The following ADAM2 variants were observed in gnomAD, a reference collection of about 807,000 sequenced individuals.
The protein encoded by ADAM2 is disintegrin and metalloproteinase domain-containing protein 2.
A neutral mutation model predicts 99.3 loss-of-function variants in ADAM2; 101 were observed. The ratio of observed to expected loss-of-function variants is 1.02; its 90% CI spans 0.87 to 1.20. The LOEUF (loss-of-function observed/expected upper bound fraction) is 1.20, where lower values mean the gene tolerates loss of function less well. Among genes scored for constraint, ADAM2 ranks in the 50% most tolerant of loss-of-function variants. The pLI, the probability that ADAM2 is intolerant of heterozygous loss-of-function variation, is 0.00. For synonymous variants in ADAM2, 323 were observed against 287.6 expected (o/e 1.12, Z -1.25); for missense variants, 948 against 878.7 (o/e 1.08, Z -1.00).
At chr8:39,760,882 C>CAAAAAAAAAA (rs58386097) in intron 15 of ADAM2, among the ~76,000 whole-genome samples, 56 of 60,174 alleles carry the variant, frequency 9.3e-4, no homozygotes, top group African/African-American at 3.4e-3. Context: ...GACTCCATCT[C>CAAAAAAAAAA]AAAAAAAAAA....
Position 39,837,136 on chromosome 8 carries a change from C to T in ADAM2, c.132G>A (p.Gln44=), listed in dbSNP as rs752114758. The T allele has an allele frequency of 6.3e-7, 1 of 1,589,350 alleles. No individual in the cohort carries two copies. Among genetic ancestry groups the T allele is most frequent in the Non-Finnish European group, 8.6e-7 (1 of 1,162,726 alleles). ...RSIIKEGIES[Q]ASYKIVIEGK... is the part of the protein sequence containing the mutation. ...GTAAATACTGTTAGTGATTCATTAC[C>T]TGCGATTCAATTCCTTCCTTTATTA... The change falls in exon 2 of 21, where the codon CAG becomes CAA. Residue 44 remains glutamine (Q), a splice_region_variant and synonymous_variant. Transcript: ENST00000265708.
chr8:39,837,058 A>T (rs1230395833), intron 2 of ADAM2, 78 bp downstream of exon 2: 1 of 1,186,232 alleles, frequency 8.4e-7, no homozygotes, highest in Non-Finnish European at 1.2e-6. Context: ...TGCATGAATG[A>T]AAAATGGCAG....
At chr8:39,779,588 C>T (rs1803137398) in intron 10 of ADAM2, among the ~76,000 whole-genome samples, 1 of 152,058 alleles carries the variant, frequency 6.6e-6, no homozygotes, top group Non-Finnish European at 1.5e-5. Context: ...GACAATAAAG[C>T]ACAACTATAT....
intron 3 of ADAM2, among the ~76,000 whole-genome samples, chr8:39,827,815 A>C (rs901134272): frequency 2.6e-5 from 4 of 152,106 alleles, no homozygotes; most frequent in Non-Finnish European, 4.4e-5. Flanking sequence ...CAACAAGTTG[A>C]CTGTAGTTAG....
At chr8:39,788,459 C>T (rs1270657064) in intron 8 of ADAM2, among the ~76,000 whole-genome samples, 12 of 151,542 alleles carry the variant, frequency 7.9e-5, no homozygotes, top group Admixed American at 7.9e-4. Context: ...TAAGGAAGCC[C>T]CATACCCCAT....
At chr8:39,774,053 T>C (rs1395848803) in intron 11 of ADAM2, among the ~76,000 whole-genome samples, 1 of 151,920 alleles carries the variant, frequency 6.6e-6, no homozygotes, top group African/African-American at 2.4e-5. Flanking sequence ...TAAACATGAA[T>C]AAAATGTATT....
At position 39,755,906 on chromosome 8, in the gene ADAM2, A is replaced by C. The variant is rs759207976; in HGVS notation, c.1619T>G (p.Leu540Arg). The C allele has an allele frequency of 6.8e-7, 1 of 1,476,858 alleles. No individual in the cohort carries two copies. The highest frequency in any genetic ancestry group is 9.3e-7 in the Non-Finnish European group (1 of 1,070,446). The allele number at this position is 1,476,858 out of a possible 1,614,324, so 91.5% of individuals were successfully genotyped here. A position where few individuals can be genotyped will look rare whatever the true frequency, so the allele number is the denominator to read the frequency against. The change falls in exon 16 of 21, where the codon CTG becomes CGG. Residue 540 changes from leucine (L) to arginine (R), a missense_variant. Transcript: ENST00000265708. Reference protein sequence around the residue: ...SGYTQCEADNLQCGKLICKYV... With the variant: ...SGYTQCEADNRQCGKLICKYV... ...TTTACATATTAATTTTCCGCACTGC[A>C]GATTGCTATAATTTATCCACAAATA...
chr8:39,749,927 A>G (rs957605199), intron 16 of ADAM2, among the ~76,000 whole-genome samples, 183 bp from the exon 17 acceptor site: 2 of 152,104 alleles, frequency 1.3e-5, no homozygotes, highest in Admixed American at 1.3e-4. Context: ...CCAGCACTAG[A>G]TGAGACTCTG....
chr8:39,796,000 G>C (rs1191229401), intron 7 of ADAM2, among the ~76,000 whole-genome samples: 5 of 151,904 alleles, frequency 3.3e-5, no homozygotes, highest in African/African-American at 1.2e-4. Context: ...GGAAGCTGTA[G>C]AGAGAAAAAG....
Position 39,746,547 on chromosome 8 carries a change from C to A in ADAM2, c.2099G>T (p.Cys700Phe). Reference protein sequence around the residue: ...FLFIPFFIIFCVLIAIMVKVN... With the variant: ...FLFIPFFIIFFVLIAIMVKVN... ...TTTCACCATTATAGCAATCAGTACACAGAAAATAATAAAGAAAGGAATGAA... is the reference window on the plus strand; with the variant it reads ...TTTCACCATTATAGCAATCAGTACAAAGAAAATAATAAAGAAAGGAATGAA... The change falls in exon 19 of 21, where the codon TGT (cysteine) becomes TTT (phenylalanine). Residue 700 changes from cysteine (C) to phenylalanine (F), a missense_variant. Transcript: ENST00000265708. 1 of 1,605,082 alleles carries A rather than the reference C, an allele frequency of 6.2e-7. No homozygotes were observed. The highest frequency in any genetic ancestry group is 1.1e-5 in the South Asian group (1 of 89,502).
At chr8:39,837,381 G>GTT (rs112475501) in intron 1 of ADAM2, among the ~76,000 whole-genome samples, 169 bp from the exon 2 acceptor site, 57 of 142,482 alleles carry the variant, frequency 4.0e-4, no homozygotes, top group African/African-American at 1.2e-3. Flanking sequence ...CTGTTTTTCT[G>GTT]TTTTTTTTTT....
Position 39,745,708 on chromosome 8 carries a change from C to T in ADAM2, c.2174+764G>A, listed in dbSNP as rs1024968692. Among the ~76,000 whole-genome samples, 4 of 151,514 alleles carry T rather than the reference C, an allele frequency of 2.6e-5. 1 individual carries two copies. The highest frequency in any genetic ancestry group is 5.9e-5 in the Non-Finnish European group (4 of 67,902). ...TGCTGTGCTTCAATTTACATTACTA[C>T]CAAAAAAAAGCTAAATTACTTTCCT... On this transcript the variant is annotated intron_variant, in intron 19 of 20. Transcript: ENST00000265708.
chr8:39,838,135 G>A lies in ADAM2; in HGVS notation c.51C>T (p.Asp17=), dbSNP rs757586093. 1.2e-6 allele frequency: 2 copies of A among 1,614,128 alleles called. No individual in the cohort carries two copies. The highest frequency in any genetic ancestry group is 1.1e-5 in the South Asian group (1 of 91,082). ...AGGAGGGGTTTTTCTGCTTACTACT[G>A]TCCATCCGCAGCCCGCCGAGCCCGC... is the stretch of plus-strand genomic sequence containing the variant. ...LLSGLGGLRM[D]SNFDSLPVQI... Residue 17 remains aspartate, a synonymous_variant, in exon 1 of 21, where the codon GAC becomes GAT. Transcript: ENST00000265708.
Position 39,788,098 on chromosome 8 carries a change from C to T in ADAM2, c.796G>A (p.Ala266Thr), listed in dbSNP as rs776087556. The T allele has an allele frequency of 1.2e-5, 19 of 1,525,288 alleles. No homozygotes were observed. The highest frequency in any genetic ancestry group is 1.1e-4 in the Admixed American group (5 of 46,730). The allele number at this position is 1,525,288 out of a possible 1,614,324, so 94.5% of individuals were successfully genotyped here. Reference protein sequence around the residue: ...SYLVLRPHDVAFLLVYREKSN... With the variant: ...SYLVLRPHDVTFLLVYREKSN... ...AGATATCCTTACACAAGTAAAAATG[C>T]CACATCATGAGGACGTAAAACAAGA... The change falls in exon 9 of 21, where the codon GCA becomes ACA. Residue 266 changes from alanine to threonine, a missense_variant. Transcript: ENST00000265708.
In ADAM2 at chr8:39,743,880, T is replaced by G. The variant is rs936408057; in HGVS notation, c.*215A>C. The G allele has an allele frequency of 6.6e-6, 1 of 152,154 alleles. No homozygotes were observed. The highest frequency in any genetic ancestry group is 1.5e-5 in the Non-Finnish European group (1 of 67,996). 9.4% of individuals were successfully genotyped at this position (152,154 alleles called of 1,614,324 possible). On this transcript the variant is annotated 3_prime_UTR_variant, in exon 21 of 21. Transcript: ENST00000265708. Reference sequence around the variant, plus strand: ...ACTTTAAAAAAACAGAAATTTGTAATGTAAAACTCATTATCATGCATTTTT... The same window carrying G: ...ACTTTAAAAAAACAGAAATTTGTAAGGTAAAACTCATTATCATGCATTTTT...
intron 7 of ADAM2, among the ~76,000 whole-genome samples, chr8:39,805,771 CA>C (rs1296696009): frequency 6.6e-6 from 1 of 152,090 alleles, no homozygotes; most frequent in Non-Finnish European, 1.5e-5. Context: ...GGTACATTGT[CA>C]AAAACAATAG....
chr8:39,749,307 C>T lies in ADAM2; in HGVS notation c.2014+5G>A. On this transcript the variant is annotated splice_donor_5th_base_variant and intron_variant, in intron 18 of 20. Coordinates refer to ENST00000265708, the MANE Select transcript of ADAM2 (RefSeq NM_001464.5). ...ATTATTTTCTGATTTATTATTAATA[C>T]TTACCAGGGAGTCTGGCTGGTATAG... 1 of 1,600,948 alleles carries T rather than the reference C, an allele frequency of 6.2e-7. No individual in the cohort carries two copies. Among genetic ancestry groups the T allele is most frequent in the Middle Eastern group, 1.7e-4 (1 of 6,000 alleles).
chr8:39,798,911 G>A (rs1375261997), intron 7 of ADAM2, among the ~76,000 whole-genome samples: 6 of 151,362 alleles, frequency 4.0e-5, no homozygotes, highest in Admixed American at 4.0e-4. Flanking sequence ...TTTTTATTGT[G>A]TCTGGTTCTT....
intron 6 of ADAM2, among the ~76,000 whole-genome samples, chr8:39,811,157 C>T (rs773686374): frequency 4.6e-5 from 7 of 152,174 alleles, no homozygotes; most frequent in Non-Finnish European, 1.0e-4. Flanking sequence ...ATACTATAAA[C>T]ACCTCTATGA....
Sources: allele counts gnomAD v4.1 joint callset (sites outside exome capture counted in the v4.1 genomes callset), GRCh38; gene constraint gnomAD v4.1.1; transcripts MANE v1.5; gene names NCBI Gene and HGNC (gene_info 2026-07-23, HGNC 2026-07-21).